The following AP3D1 variants were observed in gnomAD, a reference collection of about 807,000 sequenced individuals.
The protein encoded by AP3D1 is adaptor related protein complex 3 subunit delta 1.
AP3D1 carries 51 observed loss-of-function variants against 147.6 expected under a neutral mutation model. The observed-to-expected ratio is 0.35, with a 90% confidence interval of 0.28 to 0.44. The LOEUF is 0.44. AP3D1 is among the 20% of genes least tolerant of loss of function. The pLI, the probability that AP3D1 is intolerant of heterozygous loss-of-function variation, is 1.00. For synonymous variants in AP3D1, 760 were observed against 663.0 expected, an observed-to-expected ratio of 1.15 and a Z score of -2.25; for missense variants, 1,421 against 1,624.2, an observed-to-expected ratio of 0.87 and a Z score of 2.15.
chr19:2,103,499 G>A lies in AP3D1; in HGVS notation c.3553-1231C>T, dbSNP rs145708905. Reference sequence around the variant, plus strand: ...CCAGAGCCCCCAGAGAGGGAGGTACGCGGGGAAAGCCACCCCGTGAAGCTG... The same window carrying A: ...CCAGAGCCCCCAGAGAGGGAGGTACACGGGGAAAGCCACCCCGTGAAGCTG... On this transcript the variant is annotated intron_variant, in intron 31 of 31. Transcript: ENST00000643116. Among the ~76,000 whole-genome samples the A allele has an allele frequency of 3.0e-3, 459 of 152,284 alleles. 2 individuals carry two copies. The highest frequency in any genetic ancestry group is 5.0e-3 in the Non-Finnish European group (340 of 68,018).
At chr19:2,130,965 C>T (rs562767723) in intron 5 of AP3D1, among the ~76,000 whole-genome samples, 3 of 152,368 alleles carry the variant, frequency 2.0e-5, no homozygotes, top group African/African-American at 7.2e-5. Context: ...CCTGACAGAG[C>T]CAATCCATGA....
intron 1 of AP3D1, among the ~76,000 whole-genome samples, chr19:2,146,431 C>G (rs1172973083): frequency 6.6e-6 from 1 of 152,014 alleles, no homozygotes; most frequent in Non-Finnish European, 1.5e-5. Context: ...CAGTGAAACC[C>G]CGTCTCTGCT....
intron 29 of AP3D1, 194 bp from the exon 30 acceptor site, chr19:2,109,401 T>C: frequency 2.9e-6 from 2 of 684,198 alleles, no homozygotes; most frequent in East Asian, 2.9e-5. Flanking sequence ...AAACTGACAA[T>C]GACTTGTCTT....
chr19:2,116,850 C>T, intron 16 of AP3D1, 104 bp from the exon 17 acceptor site: 1 of 1,401,170 alleles, frequency 7.1e-7, no homozygotes, highest in Non-Finnish European at 9.5e-7. Context: ...TGTGATATCC[C>T]AAACAGTGGG....
At chr19:2,116,554 T>C in intron 17 of AP3D1, 51 bp downstream of exon 17, 1 of 1,508,786 alleles carries the variant, frequency 6.6e-7, no homozygotes, top group East Asian at 2.3e-5. Context: ...AAAGACTCCC[T>C]GGGACAGGAG....
In AP3D1 at chr19:2,116,659, C is replaced by T; in HGVS notation, c.1947G>A (p.Glu649=). The T allele has an allele frequency of 1.2e-6, 2 of 1,606,744 alleles. No homozygotes were observed. The highest frequency in any genetic ancestry group is 1.7e-6 in the Non-Finnish European group (2 of 1,176,956). The change falls in exon 17 of 32, where the codon GAG becomes GAA. Residue 649 remains glutamate (E), a synonymous_variant. Coordinates refer to ENST00000643116, the MANE Select transcript of AP3D1 (RefSeq NM_001261826.3). The part of the protein sequence containing the change: ...ERPRAVFHEE[E]QRRPKHRPSE... ...ACGGCCGGTGCTTGGGACGCCGCTG[C>T]TCCTCCTCGTGGAAGACGGCCCTGG...
At chr19:2,122,889 G>A (rs1204432874) in intron 11 of AP3D1, among the ~76,000 whole-genome samples, 2 of 152,236 alleles carry the variant, frequency 1.3e-5, no homozygotes, top group African/African-American at 2.4e-5. Context: ...GGCAGGGGCC[G>A]CTAATTCTGA....
chr19:2,101,845 C>T lies in AP3D1; in HGVS notation c.*328G>A. 3.1e-6 allele frequency: 1 copy of T among 321,556 alleles called. No individual in the cohort carries two copies. The highest frequency in any genetic ancestry group is 5.8e-6 in the Non-Finnish European group (1 of 171,498). 19.9% of individuals were successfully genotyped at this position (321,556 alleles called of 1,614,324 possible). ...TCACGTGGTGCCCATCAGGCCCTGG[C>T]CCAGGACAGGAGCCCCTGAAGCCAC... is the stretch of plus-strand genomic sequence containing the variant. On this transcript the variant is annotated 3_prime_UTR_variant, in exon 32 of 32. Transcript: ENST00000643116.
In AP3D1 at chr19:2,108,701, G is replaced by A. The variant is rs2018178733; in HGVS notation, c.3538C>T (p.Leu1180Phe). 6.3e-7 allele frequency: 1 copy of A among 1,581,694 alleles called. No homozygotes were observed. Among genetic ancestry groups the A allele is most frequent in the Non-Finnish European group, 8.6e-7 (1 of 1,164,312 alleles). ...SRSIQGHHVC[L>F]LVKKGENSVS... ...CCGAGGCTCACCTTTTTCACCAGGA[G>A]GCAGACATGGTGGCCCTGGATGGAG... Residue 1180 changes from leucine to phenylalanine, a missense_variant, in exon 31 of 32, where the codon CTC (leucine) becomes TTC (phenylalanine). By Grantham distance (22) the Leu-to-Phe change is conservative. Coordinates refer to ENST00000643116, the MANE Select transcript of AP3D1 (RefSeq NM_001261826.3).
rs780017042 is a variant in AP3D1 at position 2,127,205 on chromosome 19, AG to A, written c.807-5del. 6.2e-7 allele frequency: 1 copy of A among 1,613,734 alleles called. No homozygotes were observed. Among genetic ancestry groups the A allele is most frequent in the East Asian group, 2.2e-5 (1 of 44,886 alleles). On this transcript the variant is annotated splice_polypyrimidine_tract_variant and splice_region_variant and intron_variant, in intron 8 of 31. Coordinates refer to ENST00000643116, the MANE Select transcript of AP3D1 (RefSeq NM_001261826.3). ...GAGGAGAGACATGGCAGACGTGCTA[AG>A]GAAAGGAACACAGGGAAGCGGCATG...
At chr19:2,150,075 G>T (rs915524480) in intron 1 of AP3D1, among the ~76,000 whole-genome samples, 1 of 152,224 alleles carries the variant, frequency 6.6e-6, no homozygotes, top group Non-Finnish European at 1.5e-5. Flanking sequence ...CCACTTCCAG[G>T]AAAGTGTAAA....
At chr19:2,113,177 G>A (rs780801519) in intron 23 of AP3D1, 159 bp downstream of exon 23, 55 of 629,132 alleles carry the variant, frequency 8.7e-5, no homozygotes, top group Admixed American at 2.8e-4. Flanking sequence ...ACTGGGACCC[G>A]GGAGCATGAC....
chr19:2,150,461 C>T (rs182305609), intron 1 of AP3D1, among the ~76,000 whole-genome samples: 2 of 152,226 alleles, frequency 1.3e-5, no homozygotes, highest in Non-Finnish European at 2.9e-5. Context: ...TGTAATTTTA[C>T]TTCTGGAAAA....
rs2017944448 is a variant in AP3D1, at chr19:2,101,273, G to C, written c.*900C>G. ...GGAGTGAGCGGAGTCTCCTTGCCCTGCCTGGTGGGGGCTCTGCCTGTGAGG... is the reference window on the plus strand; with the variant it reads ...GGAGTGAGCGGAGTCTCCTTGCCCTCCCTGGTGGGGGCTCTGCCTGTGAGG... On this transcript the variant is annotated 3_prime_UTR_variant, in exon 32 of 32. Transcript: ENST00000643116. 1 of 152,418 alleles carries C rather than the reference G, an allele frequency of 6.6e-6. No homozygotes were observed. Among genetic ancestry groups the C allele is most frequent in the African/African-American group, 2.4e-5 (1 of 41,448 alleles). 9.4% of individuals were successfully genotyped at this position (152,418 alleles called of 1,614,324 possible). A position where few individuals can be genotyped will look rare whatever the true frequency, so the allele number is the denominator to read the frequency against.
rs200388931 is a variant in AP3D1, at chr19:2,102,144, C to T, written c.*29G>A. The T allele has an allele frequency of 2.5e-5, 40 of 1,580,398 alleles. No individual in the cohort carries two copies. The highest frequency in any genetic ancestry group is 3.3e-5 in the Non-Finnish European group (38 of 1,151,236). ...CTGCGGTCCCTGGGTACGTGCTCCG[C>T]GGGGTGGTGCGGGGCTCGCAGGCAG... On this transcript the variant is annotated 3_prime_UTR_variant, in exon 32 of 32. Transcript: ENST00000643116.
rs570107821 is a variant in AP3D1, at chr19:2,111,907, G to C, written c.2788-79C>G. ...ATCACAGTGTGAGGTCAGGATCACA[G>C]CAGGGCTGCTCAGGCTGAGGGTCCC... On this transcript the variant is annotated intron_variant, in intron 24 of 31. Transcript: ENST00000643116. 5.4e-5 allele frequency: 86 copies of C among 1,596,522 alleles called. No individual in the cohort carries two copies. In the African/African-American group the frequency reaches 1.0e-3, roughly 19 times the overall value.
intron 11 of AP3D1, 50 bp from the exon 12 acceptor site, chr19:2,121,929 G>C: frequency 6.4e-7 from 1 of 1,556,326 alleles, no homozygotes. Context: ...CAGGCAGCAG[G>C]GTGCAGGCAG....
rs372908018 is a variant in AP3D1, at chr19:2,113,285, A to G, written c.2679+51T>C. 6.3e-3 allele frequency: 5,563 copies of G among 882,850 alleles called. 30 individuals carry two copies. Among genetic ancestry groups the G allele is most frequent in the Middle Eastern group, 0.03 (76 of 2,522 alleles). 54.7% of individuals were successfully genotyped at this position (882,850 alleles called of 1,614,324 possible). ...CAGGGCTCTTCCCTGAGTGCCAGGT[A>G]TGACCTCTGCAGACACCGAGGCTGG... On this transcript the variant is annotated intron_variant, in intron 23 of 31. Transcript: ENST00000643116.
chr19:2,107,127 G>A (rs2018132060), intron 31 of AP3D1, among the ~76,000 whole-genome samples: 1 of 151,732 alleles, frequency 6.6e-6, no homozygotes, highest in Non-Finnish European at 1.5e-5. Context: ...GCCGGATGTG[G>A]TGGCGGGCGC....
Sources: allele counts gnomAD v4.1 joint callset (sites outside exome capture counted in the v4.1 genomes callset), GRCh38; gene constraint gnomAD v4.1.1; transcripts MANE v1.5; gene names NCBI Gene and HGNC (gene_info 2026-07-23, HGNC 2026-07-21).